GRM5: variants seen among roughly 807,000 people sequenced by gnomAD.
GRM5 encodes the protein metabotropic glutamate receptor 5.
In GRM5, 19 loss-of-function variants were observed where a neutral mutation model predicts 83.1. The observed-to-expected ratio is 0.23, with a 90% CI of 0.16 to 0.34. The LOEUF (loss-of-function observed/expected upper bound fraction) is 0.34. Ranked by LOEUF, GRM5 falls within the 10% of genes least tolerant of loss-of-function variation. The pLI, the probability that GRM5 is intolerant of heterozygous loss-of-function variation, is 1.00. For synonymous variants in GRM5, 675 were observed against 633.6 expected (o/e 1.07, Z -0.98); for missense variants, 1,160 against 1,588.3 (o/e 0.73, Z 4.58).
At chr11:88,807,931 G>T (rs1943524430) in intron 3 of GRM5, among the ~76,000 whole-genome samples, 1 of 151,760 alleles carries the variant, frequency 6.6e-6, no homozygotes, top group South Asian at 2.1e-4. Flanking sequence ...CTCAGTATTT[G>T]TTATCATTTA....
chr11:88,957,721 G>C (rs1201376876), intron 2 of GRM5, among the ~76,000 whole-genome samples: 2 of 152,062 alleles, frequency 1.3e-5, no homozygotes, highest in African/African-American at 2.4e-5. Flanking sequence ...TTACATTGAA[G>C]AATATTGCAG....
At chr11:88,868,572 C>T (rs1944710194) in intron 2 of GRM5, among the ~76,000 whole-genome samples, 1 of 151,714 alleles carries the variant, frequency 6.6e-6, no homozygotes. Context: ...TGACACATTC[C>T]TGAATGAAAA....
intron 2 of GRM5, among the ~76,000 whole-genome samples, chr11:88,977,084 A>C (rs1455388721): frequency 6.6e-6 from 1 of 151,592 alleles, no homozygotes; most frequent in East Asian, 1.9e-4. Context: ...TAATAGATTC[A>C]TTTGAAGAGA....
intron 4 of GRM5, among the ~76,000 whole-genome samples, chr11:88,633,622 T>C (rs7944803): frequency 0.99 from 151,364 of 152,270 alleles, 75,241 homozygotes; most frequent in East Asian, 1. Flanking sequence ...CCTTGGCCTC[T>C]CGAGTAGCTG....
intron 8 of GRM5, among the ~76,000 whole-genome samples, chr11:88,564,366 T>A (rs1461874304): frequency 6.6e-6 from 1 of 152,238 alleles, no homozygotes; most frequent in Non-Finnish European, 1.5e-5. Flanking sequence ...TGGTTGGCAC[T>A]ATCAGTAAAA....
chr11:88,649,327 A>AAT (rs1939565343), intron 4 of GRM5, among the ~76,000 whole-genome samples: 10 of 140,602 alleles, frequency 7.1e-5, no homozygotes, highest in South Asian at 4.3e-4. Flanking sequence ...ATATATATGT[A>AAT]ATACATATAT....
chr11:88,757,510 A>T (rs1942419237), intron 3 of GRM5, among the ~76,000 whole-genome samples: 2 of 152,030 alleles, frequency 1.3e-5, no homozygotes, highest in African/African-American at 4.8e-5. Flanking sequence ...TGACGGTGGA[A>T]CCACCCCTGC....
chr11:88,536,801 C>G (rs566567361), intron 8 of GRM5, among the ~76,000 whole-genome samples: 1 of 152,130 alleles, frequency 6.6e-6, no homozygotes, highest in African/African-American at 2.4e-5. Context: ...TTGCCACATT[C>G]CTTTTGGGAC....
At position 88,505,303 on chromosome 11, in the gene GRM5, G is replaced by T. The variant is rs1254505938; in HGVS notation, c.*3289C>A. 1 of 152,198 alleles carries T rather than the reference G, an allele frequency of 6.6e-6. No homozygotes were observed. 9.4% of individuals were successfully genotyped at this position (152,198 alleles called of 1,614,324 possible). ...GTCTCCAAAACATGTACATTTTACT[G>T]GGAGACTAGCATAGGAAATGCTTTT... On this transcript the variant is annotated 3_prime_UTR_variant, in exon 10 of 10. Transcript: ENST00000305447.
At chr11:88,901,876 C>T (rs1029436172) in intron 2 of GRM5, among the ~76,000 whole-genome samples, 1 of 152,150 alleles carries the variant, frequency 6.6e-6, no homozygotes, top group African/African-American at 2.4e-5. Flanking sequence ...AAGCCAAATG[C>T]TTCAACTTTG....
chr11:88,654,824 A>G (rs1939726771), intron 3 of GRM5, among the ~76,000 whole-genome samples: 1 of 152,110 alleles, frequency 6.6e-6, no homozygotes, highest in African/African-American at 2.4e-5. Flanking sequence ...TGCATAAAAA[A>G]TCAGTGCCGA....
At chr11:88,890,510 TA>T (rs34882690) in intron 2 of GRM5, among the ~76,000 whole-genome samples, 40,154 of 152,116 alleles carry the variant, frequency 0.26, 6,526 homozygotes, top group Non-Finnish European at 0.37. Context: ...TTAATTGGCT[TA>T]AAAAATAGTG....
chr11:89,035,853 G>A (rs1416510463), intron 2 of GRM5, among the ~76,000 whole-genome samples: 1 of 151,726 alleles, frequency 6.6e-6, no homozygotes, highest in African/African-American at 2.4e-5. Flanking sequence ...TATTTCCTAG[G>A]GTCCATGTTA....
intron 3 of GRM5, among the ~76,000 whole-genome samples, chr11:88,676,610 C>T (rs1344758377): frequency 1.3e-5 from 2 of 152,050 alleles, no homozygotes; most frequent in Non-Finnish European, 2.9e-5. Context: ...TAATTACTTA[C>T]TGCCTAGCAC....
intron 3 of GRM5, among the ~76,000 whole-genome samples, chr11:88,694,834 A>T (rs1940863558): frequency 6.6e-6 from 1 of 152,162 alleles, no homozygotes; most frequent in Admixed American, 6.6e-5. Context: ...CTCGGGACAG[A>T]TTATTTCTCT....
rs1941664701 is a variant in GRM5 at position 89,047,433 on chromosome 11, A to G, written c.440T>C (p.Ile147Thr). ...GGCTACAGAACTGGAGCCAGGCCCAATGACCCCTACTATGGGCTTCTTGGA... is the reference window on the plus strand; with the variant it reads ...GGCTACAGAACTGGAGCCAGGCCCAGTGACCCCTACTATGGGCTTCTTGGA... ...FRSKKPIVGV[I>T]GPGSSSVAIQ... Residue 147 changes from isoleucine (I) to threonine (T), a missense_variant, in exon 2 of 10, where the codon ATT becomes ACT. Coordinates refer to ENST00000305447, the MANE Select transcript of GRM5 (RefSeq NM_001143831.3). This position sits in a 1 kb window ranked among gnomAD's most constrained non-coding sequence, Gnocchi z 5.1. 2.5e-6 allele frequency: 4 copies of G among 1,614,044 alleles called. No homozygotes were observed. Among genetic ancestry groups the G allele is most frequent in the Non-Finnish European group, 3.4e-6 (4 of 1,179,880 alleles).
At chr11:88,779,839 G>A (rs771875573) in intron 3 of GRM5, among the ~76,000 whole-genome samples, 5 of 152,206 alleles carry the variant, frequency 3.3e-5, no homozygotes, top group Non-Finnish European at 7.3e-5. Flanking sequence ...CCAACTCCAT[G>A]ATGTTTCTTG....
rs137928424 is a variant in GRM5, at chr11:88,738,748, C to T, written c.912-85345G>A. 2.2e-3 allele frequency among the ~76,000 whole-genome samples: 331 copies of T among 152,182 alleles called. 1 individual carries two copies. The highest frequency in any genetic ancestry group is 7.4e-3 in the African/African-American group (309 of 41,560). On this transcript the variant is annotated intron_variant, in intron 3 of 9. Coordinates refer to ENST00000305447, the MANE Select transcript of GRM5 (RefSeq NM_001143831.3). ...CCCAAAAAACTTCCATGGCTTCTTA[C>T]GGACTACTGAATGAAATCATGACAT...
chr11:88,950,351 A>AGTGT (rs55646353), intron 2 of GRM5, among the ~76,000 whole-genome samples: 62,472 of 147,242 alleles, frequency 0.42, 14,604 homozygotes, highest in South Asian at 0.61. Context: ...TTGTGAGATA[A>AGTGT]GTGTGTGTGT....
Sources: gnomAD v4.1 joint callset for allele counts (sites outside exome capture counted in the v4.1 genomes callset) on GRCh38, gnomAD v4.1.1 for gene constraint, Gnocchi (gnomAD v3.1) non-coding constraint, MANE v1.5 for transcripts, NCBI Gene and HGNC (gene_info 2026-07-23, HGNC 2026-07-21) for gene names.